The following PARVA variants were observed in gnomAD, a reference collection of about 807,000 sequenced individuals.
The protein encoded by PARVA is alpha-parvin.
Under a neutral mutation model 52.6 loss-of-function variants are expected in PARVA, and 25 were observed. That is an observed-to-expected ratio of 0.48 (90% CI 0.35 to 0.66). PARVA has a LOEUF of 0.66. Among genes scored for constraint, PARVA ranks in the 30% least tolerant of loss-of-function variants. The pLI is 0.01. For missense variants in PARVA, 373 were observed against 450.9 expected, an observed-to-expected ratio of 0.83 and a Z score of 1.56; for synonymous variants, 185 against 179.1, an observed-to-expected ratio of 1.03 and a Z score of -0.26.
rs1216603644 is a variant in PARVA, at chr11:12,530,844, C to T, written c.*2919C>T. The stretch of plus-strand genomic sequence containing the variant: ...TCCAAATGCGTATCTCCAGTCTGCT[C>T]GAGCTAGGAAAGGAAAAAAGCCCTA... On this transcript the variant is annotated 3_prime_UTR_variant, in exon 13 of 13. Transcript: ENST00000334956. 1 of 152,096 alleles carries T rather than the reference C, an allele frequency of 6.6e-6. No homozygotes were observed. The highest frequency in any genetic ancestry group is 1.5e-5 in the Non-Finnish European group (1 of 68,026). The allele number at this position is 152,096 out of a possible 1,614,324, so 9.4% of individuals were successfully genotyped here.
At chr11:12,526,315 T>C (rs1941700879) in intron 12 of PARVA, among the ~76,000 whole-genome samples, 3 of 152,218 alleles carry the variant, frequency 2.0e-5, no homozygotes, top group Admixed American at 6.5e-5. Context: ...CCTGTGGGTA[T>C]TGACCAGAGC....
intron 1 of PARVA, chr11:12,453,099 T>C: frequency 2.2e-6 from 1 of 452,022 alleles, no homozygotes; most frequent in South Asian, 1.6e-5. Flanking sequence ...GGGGGCGCCC[T>C]GGCCACCTCC....
chr11:12,376,470 C>T (rs188146652), upstream of PARVA, among the ~76,000 whole-genome samples: 2 of 152,288 alleles, frequency 1.3e-5, no homozygotes, highest in East Asian at 3.9e-4. Flanking sequence ...AAACAGCCAC[C>T]CTAGTTTTGA....
chr11:12,445,312 T>C (rs929764857), intron 1 of PARVA, among the ~76,000 whole-genome samples: 1 of 152,128 alleles, frequency 6.6e-6, no homozygotes. Context: ...TGTGAATGGT[T>C]ACTAAATTCC....
chr11:12,513,712 C>T, intron 9 of PARVA: 1 of 585,272 alleles, frequency 1.7e-6, no homozygotes, highest in Non-Finnish European at 3.1e-6. Flanking sequence ...TATTTCAGTT[C>T]CCCCACCCAG....
chr11:12,395,853 G>A (rs1388079451), intron 1 of PARVA, among the ~76,000 whole-genome samples: 1 of 152,208 alleles, frequency 6.6e-6, no homozygotes, highest in Non-Finnish European at 1.5e-5. Flanking sequence ...TTTGGAGGCA[G>A]AATCAGAACA....
At chr11:12,389,513 C>T (rs1939627056) in intron 1 of PARVA, among the ~76,000 whole-genome samples, 1 of 152,198 alleles carries the variant, frequency 6.6e-6, no homozygotes, top group East Asian at 1.9e-4. Flanking sequence ...ATTACAGACA[C>T]ATGGGAGGTA....
intron 6 of PARVA, among the ~76,000 whole-genome samples, chr11:12,505,713 C>T (rs1941424342): frequency 6.6e-6 from 1 of 152,208 alleles, no homozygotes. Context: ...CATTTTATGT[C>T]TGCTATGGAT....
intron 1 of PARVA, among the ~76,000 whole-genome samples, chr11:12,443,420 T>A (rs28439845): frequency 6.6e-6 from 1 of 151,530 alleles, no homozygotes; most frequent in Non-Finnish European, 1.5e-5. Flanking sequence ...TCCGCCCACC[T>A]TGGCCTCCCA....
intron 1 of PARVA, among the ~76,000 whole-genome samples, chr11:12,456,898 G>A (rs998174007): frequency 6.6e-5 from 10 of 152,158 alleles, no homozygotes; most frequent in African/African-American, 2.4e-4. Flanking sequence ...GGTCAGCAAT[G>A]CTGTCAAATG....
intron 1 of PARVA, among the ~76,000 whole-genome samples, chr11:12,431,658 C>T (rs140940817): frequency 6.1e-4 from 93 of 152,358 alleles, no homozygotes; most frequent in African/African-American, 2.1e-3. Context: ...AGGGCCTAAC[C>T]ATCTATTGGA....
At chr11:12,390,973 T>C (rs1253413441) in intron 1 of PARVA, among the ~76,000 whole-genome samples, 1 of 152,044 alleles carries the variant, frequency 6.6e-6, no homozygotes, top group Non-Finnish European at 1.5e-5. Context: ...TGGCTGAGTG[T>C]TACAAGGCCT....
At chr11:12,381,382 C>A (rs751884700) in intron 1 of PARVA, among the ~76,000 whole-genome samples, 8 of 152,216 alleles carry the variant, frequency 5.3e-5, no homozygotes, top group Non-Finnish European at 8.8e-5. Context: ...TGCCATCAGT[C>A]TGTCCACAGA....
chr11:12,440,795 A>C (rs1940455731), intron 1 of PARVA, among the ~76,000 whole-genome samples: 2 of 152,252 alleles, frequency 1.3e-5, no homozygotes, highest in Admixed American at 1.3e-4. Flanking sequence ...CCATGTCAGC[A>C]ACAGAGAATC....
chr11:12,431,641 C>G (rs1226306227), intron 1 of PARVA, among the ~76,000 whole-genome samples: 1 of 152,228 alleles, frequency 6.6e-6, no homozygotes, highest in Non-Finnish European at 1.5e-5. Context: ...GCCACCTGTC[C>G]CATGCTAGGG....
At chr11:12,505,872 G>A (rs2135069591) in intron 6 of PARVA, among the ~76,000 whole-genome samples, 1 of 152,304 alleles carries the variant, frequency 6.6e-6, no homozygotes, top group South Asian at 2.1e-4. Context: ...ATGAATAGGT[G>A]GACATCGTCC....
intron 3 of PARVA, among the ~76,000 whole-genome samples, chr11:12,474,567 C>T (rs1037692506): frequency 6.6e-6 from 1 of 152,114 alleles, no homozygotes; most frequent in African/African-American, 2.4e-5. Context: ...AAAAGGCACT[C>T]ATGAGTGTCA....
At chr11:12,406,409 G>A (rs1303746301) in intron 1 of PARVA, among the ~76,000 whole-genome samples, 1 of 152,180 alleles carries the variant, frequency 6.6e-6, no homozygotes. Flanking sequence ...GCAACATCTA[G>A]ATTAGTGGTT....
chr11:12,384,521 G>A (rs1000836326), intron 1 of PARVA, among the ~76,000 whole-genome samples: 2 of 152,206 alleles, frequency 1.3e-5, no homozygotes, highest in African/African-American at 4.8e-5. Context: ...AAGTGCTAGA[G>A]AGCAGAATAA....
Sources: allele counts gnomAD v4.1 joint callset (sites outside exome capture counted in the v4.1 genomes callset), GRCh38; gene constraint gnomAD v4.1.1; transcripts MANE v1.5; gene names NCBI Gene and HGNC (gene_info 2026-07-23, HGNC 2026-07-21).